RPA3: variants seen among roughly 807,000 people sequenced by gnomAD.
The protein encoded by RPA3 is replication protein A 14 kDa subunit.
RPA3 carries 24 observed loss-of-function variants against 13.7 expected under a neutral mutation model. That is an observed-to-expected ratio of 1.75 (90% CI 1.27 to 2.46). The LOEUF is 2.46. RPA3 is among the 30% of genes most tolerant of loss of function. RPA3 has a pLI of 0.00. For missense variants in RPA3, 183 were observed against 151.0 expected, an observed-to-expected ratio of 1.21 and a Z score of -1.11; for synonymous variants, 59 against 51.2, an observed-to-expected ratio of 1.15 and a Z score of -0.65.
chr7:7,660,247 T>G (rs1785440545), intron 4 of RPA3, among the ~76,000 whole-genome samples: 1 of 152,252 alleles, frequency 6.6e-6, no homozygotes, highest in Non-Finnish European at 1.5e-5. Context: ...ATCTTGACTC[T>G]TTATCCAATT....
chr7:7,693,067 A>G (rs949967536), intron 2 of RPA3, among the ~76,000 whole-genome samples: 2 of 152,128 alleles, frequency 1.3e-5, no homozygotes, highest in African/African-American at 4.8e-5. Flanking sequence ...TATCTACTTC[A>G]TTATTCTGTA....
chr7:7,700,398 T>C (rs1451805126), intron 2 of RPA3, among the ~76,000 whole-genome samples: 1 of 152,114 alleles, frequency 6.6e-6, no homozygotes, highest in African/African-American at 2.4e-5. Flanking sequence ...ATATTCAGTG[T>C]AGAGAAAACA....
chr7:7,677,681 T>G (rs1472692697), intron 4 of RPA3, among the ~76,000 whole-genome samples: 31 of 138,912 alleles, frequency 2.2e-4, no homozygotes, highest in African/African-American at 2.0e-4. Context: ...TTTTTTTTTT[T>G]TTTTTTTTTT....
At chr7:7,658,252 G>A (rs906662758) in intron 4 of RPA3, among the ~76,000 whole-genome samples, 7 of 152,226 alleles carry the variant, frequency 4.6e-5, no homozygotes, top group Non-Finnish European at 8.8e-5. Flanking sequence ...CATGTCATCT[G>A]CAAACAGAGA....
At chr7:7,664,102 A>G (rs1563098348) in intron 4 of RPA3, among the ~76,000 whole-genome samples, 2 of 152,206 alleles carry the variant, frequency 1.3e-5, no homozygotes, top group African/African-American at 4.8e-5. Context: ...GCTATTATTT[A>G]AAACCTAGAT....
intron 4 of RPA3, among the ~76,000 whole-genome samples, chr7:7,649,085 GA>G (rs1785161558): frequency 7.0e-6 from 1 of 142,810 alleles, no homozygotes; most frequent in African/African-American, 2.6e-5. Flanking sequence ...TTGAACCCAG[GA>G]AGTGGAGATT....
intron 4 of RPA3, among the ~76,000 whole-genome samples, chr7:7,675,382 G>A (rs572908213): frequency 2.0e-5 from 3 of 152,160 alleles, no homozygotes; most frequent in Non-Finnish European, 4.4e-5. Flanking sequence ...GTGGCTCCTG[G>A]TGCTGCTAAG....
In RPA3 at chr7:7,639,068, A is replaced by T. The variant is rs369626132; in HGVS notation, c.174+2T>A. The T allele has an allele frequency of 6.2e-7, 1 of 1,608,122 alleles. No individual in the cohort carries two copies. Among genetic ancestry groups the T allele is most frequent in the Non-Finnish European group, 8.5e-7 (1 of 1,176,626 alleles). ...AAGAGACTTATTAACACTTAAACAT[A>T]CGGGTTCCATCAACTCGATGGTTCC... On this transcript the variant is annotated splice_donor_variant, in intron 6 of 7. Transcript: ENST00000223129. LOFTEE classifies it high-confidence loss of function.
chr7:7,690,439 C>T (rs2115135769), intron 2 of RPA3, among the ~76,000 whole-genome samples: 1 of 152,080 alleles, frequency 6.6e-6, no homozygotes, highest in East Asian at 1.9e-4. Flanking sequence ...CCCAGTATGT[C>T]AGATGTGAAA....
At chr7:7,637,639 C>A (rs1321999940) in intron 7 of RPA3, among the ~76,000 whole-genome samples, 1 of 148,704 alleles carries the variant, frequency 6.7e-6, no homozygotes. Flanking sequence ...GTATGTAATA[C>A]AAAATGTATG....
chr7:7,671,956 G>T (rs28915992), intron 4 of RPA3, among the ~76,000 whole-genome samples: 26,117 of 151,962 alleles, frequency 0.17, 2,458 homozygotes, highest in Middle Eastern at 0.24. Flanking sequence ...AGTGAAATCT[G>T]CCAGATATGT....
At chr7:7,679,864 C>T (rs902761392) in intron 4 of RPA3, among the ~76,000 whole-genome samples, 1 of 151,398 alleles carries the variant, frequency 6.6e-6, no homozygotes, top group Admixed American at 6.6e-5. Context: ...TATGCCTGGC[C>T]TGCCCATTTT....
chr7:7,640,208 G>A (rs1171069146), intron 5 of RPA3, 112 bp downstream of exon 5: 5 of 1,146,302 alleles, frequency 4.4e-6, no homozygotes. Flanking sequence ...AAATAAAGGA[G>A]TCGGGGGCGC....
chr7:7,676,951 C>T (rs1779756907), intron 4 of RPA3, among the ~76,000 whole-genome samples: 1 of 152,024 alleles, frequency 6.6e-6, no homozygotes, highest in Non-Finnish European at 1.5e-5. Flanking sequence ...TCATTCTATA[C>T]TGACATATAT....
chr7:7,701,007 G>A (rs571351726), intron 2 of RPA3, among the ~76,000 whole-genome samples: 3 of 152,128 alleles, frequency 2.0e-5, no homozygotes, highest in African/African-American at 2.4e-5. Flanking sequence ...CTATGATCAC[G>A]GTACTACACT....
At chr7:7,702,704 A>G (rs752468380) in intron 2 of RPA3, among the ~76,000 whole-genome samples, 1 of 152,158 alleles carries the variant, frequency 6.6e-6, no homozygotes, top group Non-Finnish European at 1.5e-5. Flanking sequence ...TTACTTTTCC[A>G]CTGACATCTA....
chr7:7,685,314 CTT>C (rs34968724), intron 4 of RPA3, among the ~76,000 whole-genome samples: 1 of 143,718 alleles, frequency 7.0e-6, no homozygotes. Context: ...ACACATTGAT[CTT>C]TTTTTTTTTT....
At chr7:7,646,480 A>ATTTT (rs35948027) in intron 4 of RPA3, among the ~76,000 whole-genome samples, 15 of 111,330 alleles carry the variant, frequency 1.3e-4, no homozygotes, top group African/African-American at 5.1e-4. Context: ...CTTTCGCTGG[A>ATTTT]TTTTTTTTTT....
At chr7:7,667,502 T>C (rs1236622392) in intron 4 of RPA3, among the ~76,000 whole-genome samples, 1 of 152,214 alleles carries the variant, frequency 6.6e-6, no homozygotes, top group Non-Finnish European at 1.5e-5. Context: ...AGAAATATGA[T>C]GGGCAGAGGT....
Sources: allele counts gnomAD v4.1 joint callset (sites outside exome capture counted in the v4.1 genomes callset), GRCh38; gene constraint gnomAD v4.1.1; transcripts MANE v1.5; gene names NCBI Gene and HGNC (gene_info 2026-07-23, HGNC 2026-07-21).